The following SERTM2 variants were observed in gnomAD, a reference collection of about 807,000 sequenced individuals.
The protein encoded by SERTM2 is serine-rich and transmembrane domain-containing protein 2.
At chrX:111,512,687 G>T (rs185447167) in intron 2 of SERTM2, among the ~76,000 whole-genome samples, 1 of 111,829 alleles carries the variant, frequency 8.9e-6, no homozygotes, top group African/African-American at 3.2e-5. Flanking sequence ...GATTTTGGAG[G>T]CCTGTGGAGA....
At chrX:111,517,184 C>G (rs984637985) in intron 2 of SERTM2, among the ~76,000 whole-genome samples, 2 of 111,236 alleles carry the variant, frequency 1.8e-5, no homozygotes, top group African/African-American at 6.5e-5. Context: ...TATTTCCACT[C>G]TACAGATCTA....
intron 2 of SERTM2, among the ~76,000 whole-genome samples, chrX:111,513,291 A>G: frequency 9.2e-6 from 1 of 108,155 alleles, no homozygotes; most frequent in East Asian, 2.9e-4. Flanking sequence ...TTCTTTCCCT[A>G]ATTCCTTACC....
chrX:111,512,901 C>T (rs960649503), intron 2 of SERTM2, among the ~76,000 whole-genome samples: 5 of 111,569 alleles, frequency 4.5e-5, no homozygotes, highest in African/African-American at 1.6e-4. Flanking sequence ...ATACTAAAAA[C>T]ACAAGACTTT....
chrX:111,511,804 G>C lies in SERTM2; in HGVS notation c.-911G>C, dbSNP rs1159107450. On this transcript the variant is annotated 5_prime_UTR_variant, in exon 1 of 3. Transcript: ENST00000569275. ...CTCTTTGCTTTTCAGAGCTTATAAGGAGCAGGCATCTGAAGCTGCACTCTG... is the reference window on the plus strand; with the variant it reads ...CTCTTTGCTTTTCAGAGCTTATAAGCAGCAGGCATCTGAAGCTGCACTCTG... 2 of 260,911 alleles carry C rather than the reference G, an allele frequency of 7.7e-6. No homozygotes were observed. The highest frequency in any genetic ancestry group is 5.5e-5 in the East Asian group (1 of 18,323). 21.5% of individuals were successfully genotyped at this position (260,911 alleles called of 1,213,427 possible). A position where few individuals can be genotyped will look rare whatever the true frequency, so the allele number is the denominator to read the frequency against.
chrX:111,515,908 G>T (rs1468380601), intron 2 of SERTM2, among the ~76,000 whole-genome samples: 1 of 110,619 alleles, frequency 9.0e-6, no homozygotes, highest in Non-Finnish European at 1.9e-5. Flanking sequence ...TGCCCCAAAG[G>T]TTCCAAAACA....
chrX:111,511,959 G>A, intron 1 of SERTM2, 39 bp from the exon 2 acceptor site: 1 of 295,590 alleles, frequency 3.4e-6, no homozygotes, highest in Non-Finnish European at 5.9e-6. Context: ...ACATAGTCCT[G>A]CTTCTTTGGC....
chrX:111,519,412 C>T lies in SERTM2; in HGVS notation c.*282C>T, dbSNP rs1468413375. The T allele has an allele frequency of 5.8e-6, 1 of 173,167 alleles. No homozygotes were observed. Among genetic ancestry groups the T allele is most frequent in the Non-Finnish European group, 1.1e-5 (1 of 92,986 alleles). 14.3% of individuals were successfully genotyped at this position (173,167 alleles called of 1,213,427 possible). On this transcript the variant is annotated 3_prime_UTR_variant, in exon 3 of 3. Transcript: ENST00000569275. The stretch of plus-strand genomic sequence containing the variant: ...AAACAGTGCCTGGGCCTTGCACAAA[C>T]CTCAGACCACAGAAATTCATGCGCA...
rs1275041624 is a variant in SERTM2 at position 111,519,708 on chromosome X, G to A, written c.*578G>A. On this transcript the variant is annotated 3_prime_UTR_variant, in exon 3 of 3. Coordinates refer to ENST00000569275, the MANE Select transcript of SERTM2 (RefSeq NM_001354473.2). ...GAAGAGATTTAAAGAAACTGTTTCA[G>A]TTTAGAGAGCAAGTTTTCAGAAAGA... 2 of 112,004 alleles carry A rather than the reference G, an allele frequency of 1.8e-5. No homozygotes were observed. The highest frequency in any genetic ancestry group is 6.5e-5 in the African/African-American group (2 of 30,899). The allele number at this position is 112,004 out of a possible 1,213,427, so 9.2% of individuals were successfully genotyped here.
At chrX:111,517,385 G>A (rs1420269939) in intron 2 of SERTM2, among the ~76,000 whole-genome samples, 3 of 111,175 alleles carry the variant, frequency 2.7e-5, no homozygotes, top group African/African-American at 6.5e-5. Flanking sequence ...TCCTGGCTGC[G>A]CTTTGAAGTT....
intron 2 of SERTM2, among the ~76,000 whole-genome samples, chrX:111,516,482 T>C (rs1314481544): frequency 1.8e-5 from 2 of 110,742 alleles, no homozygotes; most frequent in African/African-American, 6.6e-5. Flanking sequence ...CAAAGCTCAG[T>C]ATACAAAGAA....
At chrX:111,513,734 A>G (rs1437925145) in intron 2 of SERTM2, among the ~76,000 whole-genome samples, 1 of 111,741 alleles carries the variant, frequency 8.9e-6, no homozygotes, top group African/African-American at 3.2e-5. Context: ...TAAATTGACC[A>G]GACTGTTTGG....
intron 2 of SERTM2, among the ~76,000 whole-genome samples, chrX:111,516,909 G>A (rs1249134798): frequency 9.0e-6 from 1 of 111,509 alleles, no homozygotes; most frequent in Non-Finnish European, 1.9e-5. Flanking sequence ...ATCTACTATT[G>A]CACATAGAAG....
chrX:111,515,726 A>G (rs1475950820), intron 2 of SERTM2, among the ~76,000 whole-genome samples: 2 of 111,673 alleles, frequency 1.8e-5, no homozygotes, highest in Non-Finnish European at 3.8e-5. Flanking sequence ...GAGTGTGCTT[A>G]GAAACAAGTG....
chrX:111,515,691 C>T (rs183679263), intron 2 of SERTM2, among the ~76,000 whole-genome samples: 1 of 111,465 alleles, frequency 9.0e-6, no homozygotes, highest in Admixed American at 9.5e-5. Flanking sequence ...TAAAGTAGAG[C>T]AAGGACTGAA....
Sources: gnomAD v4.1 joint callset for allele counts (sites outside exome capture counted in the v4.1 genomes callset) on GRCh38, gnomAD v4.1.1 for gene constraint, MANE v1.5 for transcripts, NCBI Gene and HGNC (gene_info 2026-07-23, HGNC 2026-07-21) for gene names.